Variants in SLC16A12 observed in about 807,000 individuals in gnomAD.
SLC16A12 encodes solute carrier family 16 member 12, also known as monocarboxylate transporter 12.
In SLC16A12, 17 loss-of-function variants were observed where a neutral mutation model predicts 42.4. The ratio of observed to expected loss-of-function variants is 0.40; its 90% CI spans 0.27 to 0.60. SLC16A12 has a LOEUF of 0.60. SLC16A12 is among the 20% of genes least tolerant of loss of function. The pLI is 0.42. For missense variants in SLC16A12, 544 were observed against 623.0 expected (o/e 0.87, Z 1.35); for synonymous variants, 224 against 229.4 (o/e 0.98, Z 0.21).
At chr10:89,502,665 A>G (rs1390522170) in intron 2 of SLC16A12, among the ~76,000 whole-genome samples, 18 of 152,288 alleles carry the variant, frequency 1.2e-4, no homozygotes, top group African/African-American at 3.6e-4. Flanking sequence ...GCAAATAAAC[A>G]TCAGTCATCT....
At chr10:89,463,774 A>T (rs1364167584) in intron 2 of SLC16A12, among the ~76,000 whole-genome samples, 1 of 152,158 alleles carries the variant, frequency 6.6e-6, no homozygotes, top group Non-Finnish European at 1.5e-5. Context: ...TCAACTCTAA[A>T]TATTTATTGA....
upstream of SLC16A12, among the ~76,000 whole-genome samples, chr10:89,539,075 C>T (rs936849206): frequency 3.9e-5 from 6 of 152,156 alleles, no homozygotes; most frequent in Admixed American, 3.3e-4. Flanking sequence ...CGATTTTCCT[C>T]TGCTGTATTC....
chr10:89,452,314 T>C (rs903502307), intron 3 of SLC16A12, among the ~76,000 whole-genome samples: 1 of 152,202 alleles, frequency 6.6e-6, no homozygotes, highest in African/African-American at 2.4e-5. Context: ...TATGTATGTA[T>C]GTATGAGCTA....
In SLC16A12 at chr10:89,443,902, G is replaced by T. The variant is rs772770219; in HGVS notation, c.201-43C>A. On this transcript the variant is annotated intron_variant, in intron 3 of 7. Coordinates refer to ENST00000371790, the MANE Select transcript of SLC16A12 (RefSeq NM_213606.4). ...GGCATTTTATACAAAAAATGAATGA[G>T]CATGCATTTGAGCCAGAACTTAAAA... The T allele has an allele frequency of 8.7e-6, 11 of 1,258,942 alleles. No individual in the cohort carries two copies. In the African/African-American group the frequency reaches 1.3e-4, roughly 15 times the overall value. The allele number at this position is 1,258,942 out of a possible 1,614,324, so 78.0% of individuals were successfully genotyped here.
intron 7 of SLC16A12, among the ~76,000 whole-genome samples, chr10:89,435,323 T>C (rs160052): frequency 0.79 from 120,096 of 152,194 alleles, 48,084 homozygotes; most frequent in African/African-American, 0.93. Context: ...TTCTCAACCA[T>C]GACATTATTT....
chr10:89,537,610 C>T (rs1244441965), upstream of SLC16A12, among the ~76,000 whole-genome samples: 3 of 152,180 alleles, frequency 2.0e-5, no homozygotes, highest in Non-Finnish European at 4.4e-5. Flanking sequence ...CATGAGTGAG[C>T]CCTGACCTCT....
At chr10:89,461,337 A>C (rs544374185) in intron 3 of SLC16A12, among the ~76,000 whole-genome samples, 1 of 152,310 alleles carries the variant, frequency 6.6e-6, no homozygotes, top group East Asian at 1.9e-4. Flanking sequence ...ATGCAAAATA[A>C]AGCAAAATAA....
intron 2 of SLC16A12, among the ~76,000 whole-genome samples, chr10:89,549,735 T>C (rs184350244): frequency 6.6e-6 from 1 of 152,192 alleles, no homozygotes; most frequent in Non-Finnish European, 1.5e-5. Context: ...AGACACACCT[T>C]TATTAGCCAT....
At chr10:89,510,846 A>G (rs1843151355) in intron 2 of SLC16A12, among the ~76,000 whole-genome samples, 1 of 152,234 alleles carries the variant, frequency 6.6e-6, no homozygotes. Flanking sequence ...ACAAAGGGCT[A>G]ATATCCAGAA....
chr10:89,495,225 G>C (rs996603647), intron 2 of SLC16A12, among the ~76,000 whole-genome samples: 17 of 152,090 alleles, frequency 1.1e-4, no homozygotes, highest in African/African-American at 3.9e-4. Flanking sequence ...GTGGTGGTGT[G>C]CGCCTGTAGT....
At chr10:89,486,602 AAAAAGAAAGAAAGAAAGAAAGAAAGAAAG>A (rs1332997208) in intron 2 of SLC16A12, among the ~76,000 whole-genome samples, 2 of 116,054 alleles carry the variant, frequency 1.7e-5, no homozygotes, top group Non-Finnish European at 3.6e-5. Flanking sequence ...AAAAAAAAAA[AAAAAGAAAGAAAGAAAGAAAGAAAGAAAG>A]AAAGAAAGAA....
At chr10:89,531,208 G>A (rs1211294502) in intron 2 of SLC16A12, among the ~76,000 whole-genome samples, 1 of 151,432 alleles carries the variant, frequency 6.6e-6, no homozygotes, top group Non-Finnish European at 1.5e-5. Flanking sequence ...TTGCCAACAT[G>A]GTGATATCCT....
At chr10:89,506,904 C>T (rs1451276179) in intron 2 of SLC16A12, among the ~76,000 whole-genome samples, 6 of 151,892 alleles carry the variant, frequency 4.0e-5, no homozygotes, top group South Asian at 4.2e-4. Context: ...AGCTGAAAAA[C>T]GCAGCATAAG....
At position 89,485,677 on chromosome 10, in the gene SLC16A12, C is replaced by T. The variant is rs78577743; in HGVS notation, c.-46-23053G>A. 7.1e-3 allele frequency among the ~76,000 whole-genome samples: 1,085 copies of T among 152,138 alleles called. 10 individuals carry two copies. Among genetic ancestry groups the T allele is most frequent in the African/African-American group, 0.024 (987 of 41,462 alleles). ...GAGACTGAGAGGGCATTTGGAGAAA[C>T]GCCCATGGAAAGGGGAAGAACAATG... On this transcript the variant is annotated intron_variant, in intron 2 of 7. Transcript: ENST00000371790.
At chr10:89,517,312 C>T (rs1393510970) in intron 2 of SLC16A12, among the ~76,000 whole-genome samples, 2 of 151,712 alleles carry the variant, frequency 1.3e-5, no homozygotes, top group Admixed American at 6.6e-5. Flanking sequence ...CCTAGAATAC[C>T]ACCTTTTCTT....
At chr10:89,488,059 T>C (rs1266030637) in intron 2 of SLC16A12, among the ~76,000 whole-genome samples, 2 of 148,106 alleles carry the variant, frequency 1.4e-5, no homozygotes, top group Non-Finnish European at 3.0e-5. Context: ...GTATAATACA[T>C]ATTATTTATC....
chr10:89,546,290 A>G (rs923261421), intron 2 of SLC16A12, among the ~76,000 whole-genome samples: 4 of 152,042 alleles, frequency 2.6e-5, no homozygotes, highest in Non-Finnish European at 4.4e-5. Context: ...CAATCTACCC[A>G]TCTGACAAAG....
intron 2 of SLC16A12, among the ~76,000 whole-genome samples, chr10:89,482,861 A>G (rs920468002): frequency 2.6e-4 from 40 of 152,134 alleles, no homozygotes; most frequent in African/African-American, 8.9e-4. Context: ...GAGTGAAATC[A>G]TGTTGTGTAG....
intron 2 of SLC16A12, among the ~76,000 whole-genome samples, chr10:89,464,020 A>G (rs1842350255): frequency 6.6e-6 from 1 of 152,178 alleles, no homozygotes; most frequent in Admixed American, 6.5e-5. Context: ...GTCACGTTAT[A>G]TATGACTCAG....
Sources: gnomAD v4.1 joint callset for allele counts (sites outside exome capture counted in the v4.1 genomes callset) on GRCh38, gnomAD v4.1.1 for gene constraint, MANE v1.5 for transcripts, NCBI Gene and HGNC (gene_info 2026-07-23, HGNC 2026-07-21) for gene names.